The following CCDC85A variants were observed in gnomAD, a reference collection of about 807,000 sequenced individuals.
CCDC85A encodes the protein coiled-coil domain-containing protein 85A.
Under a neutral mutation model 50.2 loss-of-function variants are expected in CCDC85A, and 38 were observed. That is an observed-to-expected ratio of 0.76 (90% confidence interval 0.58 to 0.99). The LOEUF (loss-of-function observed/expected upper bound fraction) is 0.99. Ranked by LOEUF, CCDC85A falls within the 50% of genes least tolerant of loss-of-function variation. The probability of loss-of-function intolerance (pLI) is 0.00; values close to 1 mark genes in which losing one functional copy is unlikely to be tolerated. For synonymous variants in CCDC85A, 366 were observed against 301.4 expected (o/e 1.21, Z -2.22); for missense variants, 820 against 742.0 (o/e 1.11, Z -1.22).
At chr2:56,250,170 C>T (rs1558605645) in intron 2 of CCDC85A, among the ~76,000 whole-genome samples, 1 of 152,120 alleles carries the variant, frequency 6.6e-6, no homozygotes. Flanking sequence ...CATTTGAAAA[C>T]AAATGTTAAT....
chr2:56,240,318 A>G (rs544341321), intron 2 of CCDC85A, among the ~76,000 whole-genome samples: 1 of 152,290 alleles, frequency 6.6e-6, no homozygotes, highest in Non-Finnish European at 1.5e-5. Flanking sequence ...TCATTTACAT[A>G]GGGTATAACC....
chr2:56,344,321 C>T (rs1460604688), intron 3 of CCDC85A, among the ~76,000 whole-genome samples: 1 of 152,150 alleles, frequency 6.6e-6, no homozygotes, highest in East Asian at 1.9e-4. Flanking sequence ...TTGGTCTGAT[C>T]ATCGAGATGG....
intron 2 of CCDC85A, among the ~76,000 whole-genome samples, chr2:56,277,038 A>G (rs1396304455): frequency 2.0e-5 from 3 of 152,156 alleles, no homozygotes; most frequent in Non-Finnish European, 4.4e-5. Context: ...AACTGCTTTG[A>G]GCTGCTGGGA....
chr2:56,277,841 A>C (rs555213523), intron 2 of CCDC85A, among the ~76,000 whole-genome samples: 3 of 152,328 alleles, frequency 2.0e-5, no homozygotes, highest in African/African-American at 7.2e-5. Context: ...CCTAGGTTCT[A>C]CAAGATGGTG....
chr2:56,236,229 C>T (rs569357822), intron 2 of CCDC85A, among the ~76,000 whole-genome samples: 32 of 152,262 alleles, frequency 2.1e-4, no homozygotes, highest in African/African-American at 7.7e-4. Flanking sequence ...CTAGTGAGCA[C>T]TCTAGTGTCA....
At chr2:56,228,938 C>T (rs1345403058) in intron 2 of CCDC85A, among the ~76,000 whole-genome samples, 1 of 152,154 alleles carries the variant, frequency 6.6e-6, no homozygotes, top group East Asian at 1.9e-4. Context: ...GACAATAATA[C>T]ATTTAAATAA....
chr2:56,201,285 C>T (rs528590355), intron 2 of CCDC85A, among the ~76,000 whole-genome samples: 1 of 152,146 alleles, frequency 6.6e-6, no homozygotes, highest in African/African-American at 2.4e-5. Context: ...ACCTGGCAAA[C>T]AAAATATTTT....
chr2:56,227,502 C>A (rs749359271), intron 2 of CCDC85A, among the ~76,000 whole-genome samples: 2 of 152,124 alleles, frequency 1.3e-5, no homozygotes, highest in Non-Finnish European at 2.9e-5. Flanking sequence ...GTGTTCCAAG[C>A]GGGAATTGGT....
chr2:56,214,676 T>C (rs1482465921), intron 2 of CCDC85A, among the ~76,000 whole-genome samples: 1 of 151,958 alleles, frequency 6.6e-6, no homozygotes, highest in Non-Finnish European at 1.5e-5. Flanking sequence ...TTGTTAAAGA[T>C]CAATGGACTG....
At chr2:56,352,050 C>T (rs1674975754) in intron 3 of CCDC85A, among the ~76,000 whole-genome samples, 1 of 152,112 alleles carries the variant, frequency 6.6e-6, no homozygotes, top group Non-Finnish European at 1.5e-5. Context: ...GGAAGGGATC[C>T]AGTTCCTACA....
chr2:56,272,375 G>A (rs755890922), intron 2 of CCDC85A, among the ~76,000 whole-genome samples: 3 of 152,126 alleles, frequency 2.0e-5, no homozygotes, highest in Non-Finnish European at 2.9e-5. Context: ...GGTCTTATAA[G>A]TAGTGTGTTT....
At chr2:56,358,623 A>G (rs1675356185) in intron 3 of CCDC85A, among the ~76,000 whole-genome samples, 1 of 152,198 alleles carries the variant, frequency 6.6e-6, no homozygotes, top group Non-Finnish European at 1.5e-5. Context: ...AGCCACAGAG[A>G]ACATGTAAAT....
chr2:56,372,602 T>C (rs1676132013), intron 4 of CCDC85A, 124 bp downstream of exon 4: 1 of 1,144,972 alleles, frequency 8.7e-7, no homozygotes, highest in African/African-American at 1.6e-5. Flanking sequence ...AAGTTGTATG[T>C]CTAAGTCTGG....
chr2:56,355,610 C>T (rs1448123967), intron 3 of CCDC85A, among the ~76,000 whole-genome samples: 3 of 151,786 alleles, frequency 2.0e-5, no homozygotes, highest in Non-Finnish European at 4.4e-5. Context: ...AATTATTGTT[C>T]GTAAAAAAGA....
chr2:56,263,924 C>T (rs573356076), intron 2 of CCDC85A, among the ~76,000 whole-genome samples: 6 of 152,286 alleles, frequency 3.9e-5, no homozygotes, highest in African/African-American at 1.4e-4. Context: ...AGTCTTTTGG[C>T]TTCCCTGGGC....
At chr2:56,296,622 C>T (rs1671961491) in intron 2 of CCDC85A, among the ~76,000 whole-genome samples, 1 of 152,030 alleles carries the variant, frequency 6.6e-6, no homozygotes, top group African/African-American at 2.4e-5. Flanking sequence ...AGGCTTTTGT[C>T]AGGATTCTGG....
chr2:56,289,071 C>G (rs1003232875), intron 2 of CCDC85A, among the ~76,000 whole-genome samples: 7 of 152,130 alleles, frequency 4.6e-5, no homozygotes, highest in African/African-American at 9.7e-5. Flanking sequence ...TTCCAGGGTA[C>G]AGGCAGAACT....
rs552368535 is a variant in CCDC85A, at chr2:56,253,523, T to A, written c.1240+60083T>A. Among the ~76,000 whole-genome samples the A allele has an allele frequency of 2.0e-5, 3 of 152,200 alleles. No individual in the cohort carries two copies. The South Asian group carries it at 6.2e-4, about 32-fold the overall frequency. ...GGTTTCATCTCATCCTAAAAGCAGCTGAGTTAGGGAGGGGAGAATTAAATT... is the reference window on the plus strand; with the variant it reads ...GGTTTCATCTCATCCTAAAAGCAGCAGAGTTAGGGAGGGGAGAATTAAATT... On this transcript the variant is annotated intron_variant, in intron 2 of 5. Transcript: ENST00000407595.
chr2:56,360,335 C>T (rs184268569), intron 3 of CCDC85A, among the ~76,000 whole-genome samples: 8 of 152,196 alleles, frequency 5.3e-5, no homozygotes, highest in East Asian at 1.9e-4. Context: ...TCCATTTTAG[C>T]GTTGAGGACA....
Sources: allele counts gnomAD v4.1 joint callset (sites outside exome capture counted in the v4.1 genomes callset), GRCh38; gene constraint gnomAD v4.1.1; transcripts MANE v1.5; gene names NCBI Gene and HGNC (gene_info 2026-07-23, HGNC 2026-07-21).